The following ABCG2 variants were observed in gnomAD, a reference collection of about 807,000 sequenced individuals.
ABCG2 encodes the protein ATP binding cassette subfamily G member 2 (JR blood group).
Under a neutral mutation model 73.5 loss-of-function variants are expected in ABCG2, and 80 were observed. That is an observed-to-expected ratio of 1.09 (90% CI 0.91 to 1.31). The LOEUF (loss-of-function observed/expected upper bound fraction) is 1.31. Ranked by LOEUF, ABCG2 falls within the 50% of genes most tolerant of loss-of-function variation. ABCG2 has a pLI of 0.00. For missense variants in ABCG2, 796 were observed against 786.2 expected (o/e 1.01, Z -0.15); for synonymous variants, 269 against 282.4 (o/e 0.95, Z 0.48).
intron 5 of ABCG2, 72 bp downstream of exon 5, chr4:88,130,989 C>A: frequency 6.5e-7 from 1 of 1,540,740 alleles, no homozygotes. Context: ...ACTTCTGAAT[C>A]AGAGTCATTT....
intron 2 of ABCG2, among the ~76,000 whole-genome samples, chr4:88,138,750 T>C (rs750187568): frequency 4.6e-5 from 7 of 152,174 alleles, no homozygotes; most frequent in African/African-American, 7.2e-5. Flanking sequence ...TGTGAAAGAA[T>C]TGCAAGATCT....
At chr4:88,100,191 TAA>T (rs35345062) in intron 11 of ABCG2, among the ~76,000 whole-genome samples, 3,613 of 142,902 alleles carry the variant, frequency 0.025, 95 homozygotes, top group African/African-American at 0.073. Context: ...ACAAAAAAAT[TAA>T]AAAAAAAAAA....
chr4:88,225,049 GTCTT>G (rs1281267285), intron 1 of ABCG2, among the ~76,000 whole-genome samples: 5 of 152,158 alleles, frequency 3.3e-5, no homozygotes, highest in East Asian at 3.9e-4. Context: ...CTGGATGTCT[GTCTT>G]TATGTTAGGA....
intron 1 of ABCG2, chr4:88,226,660 A>G (rs927688024): frequency 6.6e-6 from 1 of 152,370 alleles, no homozygotes; most frequent in East Asian, 1.9e-4. Context: ...TAGCTTGCAC[A>G]TGTGATAGCA....
intron 1 of ABCG2, among the ~76,000 whole-genome samples, chr4:88,195,093 G>C (rs1728889906): frequency 1.3e-5 from 2 of 152,068 alleles, no homozygotes; most frequent in African/African-American, 4.8e-5. Context: ...TTACCGCCAG[G>C]CCTGGGGGCT....
intron 1 of ABCG2, among the ~76,000 whole-genome samples, chr4:88,212,371 G>A (rs113826811): frequency 1.9e-3 from 294 of 152,098 alleles, no homozygotes; most frequent in Middle Eastern, 6.8e-3. Flanking sequence ...AGTAATTGTA[G>A]CCCCTGGTAC....
chr4:88,115,504 G>T (rs1034112702), intron 7 of ABCG2, among the ~76,000 whole-genome samples: 15 of 148,922 alleles, frequency 1.0e-4, no homozygotes, highest in African/African-American at 3.2e-4. Flanking sequence ...GGCTGGTCTC[G>T]AACTCCTGGC....
chr4:88,187,383 T>G (rs1365571792), intron 1 of ABCG2, among the ~76,000 whole-genome samples: 1 of 151,812 alleles, frequency 6.6e-6, no homozygotes, highest in Non-Finnish European at 1.5e-5. Context: ...GAGGCCGAGG[T>G]GGGCGGATCT....
At chr4:88,171,705 T>C (rs1384197158) in intron 1 of ABCG2, among the ~76,000 whole-genome samples, 1 of 151,954 alleles carries the variant, frequency 6.6e-6, no homozygotes, top group Non-Finnish European at 1.5e-5. Flanking sequence ...TTATGAATTT[T>C]TTGTTGGCTG....
In ABCG2 at chr4:88,194,707, T is replaced by C. The variant is rs530707612; in HGVS notation, c.-20+36287A>G. Among the ~76,000 whole-genome samples the C allele has an allele frequency of 2.6e-5, 4 of 152,102 alleles. No homozygotes were observed. The South Asian group carries it at 8.3e-4, about 32-fold the overall frequency. ...TCCACTGTCTTACAGCTAAACTTGA[T>C]CCTGAGATAGGAGTGGTTCAGACAG... On this transcript the variant is annotated intron_variant, in intron 1 of 15. Transcript: ENST00000515655.
intron 1 of ABCG2, among the ~76,000 whole-genome samples, chr4:88,204,457 C>A (rs1578276717): frequency 1.3e-5 from 2 of 152,134 alleles, no homozygotes; most frequent in South Asian, 4.1e-4. Flanking sequence ...AGAATTCAAG[C>A]CAGGCAGTTG....
intron 1 of ABCG2, among the ~76,000 whole-genome samples, chr4:88,148,219 C>T (rs1726182922): frequency 6.6e-6 from 1 of 152,068 alleles, no homozygotes; most frequent in Non-Finnish European, 1.5e-5. Context: ...CACAGGGCTG[C>T]TTGTGGGACT....
chr4:88,093,520 A>G (rs1721784082), intron 15 of ABCG2, among the ~76,000 whole-genome samples: 1 of 151,718 alleles, frequency 6.6e-6, no homozygotes, highest in Admixed American at 6.6e-5. Flanking sequence ...AAAAAAAAAA[A>G]AAAAGGAATA....
rs376321150 is a variant in ABCG2 at position 88,121,724 on chromosome 4, A to C, written c.600T>G (p.Leu200=). ...AGAACAAGATGGAAGGATCAGTGAT[A>C]AGCTCCATTCCTATACTAGTCCTTT... ...ERKRTSIGME[L]ITDPSILFLD... is the part of the protein sequence containing the mutation. The change falls in exon 6 of 16, where the codon CTT becomes CTG. Residue 200 remains leucine (L), a synonymous_variant. Transcript: ENST00000237612. 1.9e-6 allele frequency: 3 copies of C among 1,614,022 alleles called. No individual in the cohort carries two copies. Among genetic ancestry groups the C allele is most frequent in the Non-Finnish European group, 2.5e-6 (3 of 1,179,902 alleles).
chr4:88,183,909 T>C (rs1728352773), intron 1 of ABCG2, among the ~76,000 whole-genome samples: 1 of 152,174 alleles, frequency 6.6e-6, no homozygotes, highest in East Asian at 1.9e-4. Context: ...TGGTTCAACA[T>C]ATACAAATCC....
intron 1 of ABCG2, among the ~76,000 whole-genome samples, chr4:88,202,354 T>TATATATATATATATATATA (rs1553945717): frequency 0.059 from 3,642 of 61,632 alleles, 1,151 homozygotes; most frequent in South Asian, 0.083. Context: ...CTACAATTAT[T>TATATATATATATATATATA]TATATATATA....
chr4:88,194,964 G>T (rs1020524431), intron 1 of ABCG2, among the ~76,000 whole-genome samples: 1 of 152,202 alleles, frequency 6.6e-6, no homozygotes, highest in Non-Finnish European at 1.5e-5. Context: ...ACTGGTCTAT[G>T]TTTTAAAGGA....
upstream of ABCG2, chr4:88,159,007 G>T (rs926295325): frequency 1.1e-5 from 4 of 366,246 alleles, no homozygotes; most frequent in African/African-American, 8.7e-5. Flanking sequence ...AGCGCCCTGC[G>T]ACCCGGCTGA....
chr4:88,187,449 C>T (rs1392703108), intron 1 of ABCG2, among the ~76,000 whole-genome samples: 2 of 151,386 alleles, frequency 1.3e-5, no homozygotes, highest in Non-Finnish European at 2.9e-5. Context: ...CCCATCTCTA[C>T]TAAAAATACA....
Sources: gnomAD v4.1 joint callset for allele counts (sites outside exome capture counted in the v4.1 genomes callset) on GRCh38, gnomAD v4.1.1 for gene constraint, MANE v1.5 for transcripts, NCBI Gene and HGNC (gene_info 2026-07-23, HGNC 2026-07-21) for gene names.